The following DACH2 variants were observed in gnomAD, a reference collection of about 807,000 sequenced individuals.
DACH2 encodes the protein dachshund family transcription factor 2.
In DACH2, 17 loss-of-function variants were observed where a neutral mutation model predicts 35.8. That is an observed-to-expected ratio of 0.48 (90% CI 0.33 to 0.71). DACH2 has a LOEUF of 0.71. Among genes scored for constraint, DACH2 ranks in the 30% least tolerant of loss-of-function variants. The pLI, the probability that DACH2 is intolerant of heterozygous loss-of-function variation, is 0.02. For synonymous variants in DACH2, 195 were observed against 177.3 expected (o/e 1.10, Z -0.79); for missense variants, 469 against 472.7 (o/e 0.99, Z 0.07).
intron 7 of DACH2, chrX:86,742,601 A>T: frequency 5.0e-6 from 1 of 201,290 alleles, no homozygotes; most frequent in Admixed American, 5.6e-5. Flanking sequence ...TTTTCTGGGT[A>T]TTTCACATAG....
intron 4 of DACH2, among the ~76,000 whole-genome samples, chrX:86,671,113 C>T (rs995693721): frequency 1.8e-5 from 2 of 111,974 alleles, no homozygotes; most frequent in Admixed American, 9.4e-5. Flanking sequence ...GTCTGTATGT[C>T]TTCTCTGCCA....
chrX:86,149,905 C>T (rs1015222562), intron 1 of DACH2, among the ~76,000 whole-genome samples: 4 of 111,652 alleles, frequency 3.6e-5, no homozygotes, highest in Non-Finnish European at 7.5e-5. Flanking sequence ...TACAAGTTGG[C>T]AGATTTCTAG....
At chrX:86,246,480 G>A (rs1165403130) in intron 1 of DACH2, among the ~76,000 whole-genome samples, 2 of 111,946 alleles carry the variant, frequency 1.8e-5, no homozygotes, top group African/African-American at 3.2e-5. Flanking sequence ...CAGCAGAGAC[G>A]CTATAATCCA....
intron 5 of DACH2, among the ~76,000 whole-genome samples, chrX:86,710,234 C>T (rs1323310391): frequency 9.0e-6 from 1 of 111,708 alleles, no homozygotes; most frequent in South Asian, 3.7e-4. Flanking sequence ...GAACCTTAAG[C>T]GGAAATTGCT....
intron 4 of DACH2, among the ~76,000 whole-genome samples, chrX:86,680,179 T>G (rs1183914213): frequency 8.9e-6 from 1 of 111,996 alleles, no homozygotes; most frequent in East Asian, 2.8e-4. Flanking sequence ...TAATTGAATT[T>G]TGAAATTGAA....
intron 1 of DACH2, among the ~76,000 whole-genome samples, chrX:86,291,274 T>C (rs1488195030): frequency 9.6e-6 from 1 of 103,663 alleles, no homozygotes; most frequent in Non-Finnish European, 2.0e-5. Context: ...ACATTGATTT[T>C]GTATCCTGAG....
At chrX:86,760,458 G>A (rs2041869211) in intron 7 of DACH2, among the ~76,000 whole-genome samples, 1 of 111,492 alleles carries the variant, frequency 9.0e-6, no homozygotes, top group Admixed American at 9.5e-5. Context: ...CAAGCTCTGA[G>A]ATTCTTTGTT....
chrX:86,746,759 A>G (rs1422310506), intron 7 of DACH2, among the ~76,000 whole-genome samples: 1 of 111,028 alleles, frequency 9.0e-6, no homozygotes, highest in African/African-American at 3.3e-5. Flanking sequence ...TTTGATGGAC[A>G]GGTTATTCAT....
intron 3 of DACH2, among the ~76,000 whole-genome samples, chrX:86,587,672 G>T (rs2039591725): frequency 9.0e-6 from 1 of 111,647 alleles, no homozygotes; most frequent in African/African-American, 3.2e-5. Flanking sequence ...TTGGCTGCTT[G>T]TATGTCTTCC....
At chrX:86,331,412 C>T (rs1035679522) in intron 1 of DACH2, among the ~76,000 whole-genome samples, 2 of 110,380 alleles carry the variant, frequency 1.8e-5, no homozygotes, top group African/African-American at 6.6e-5. Flanking sequence ...GCTGCTACCT[C>T]GAGCTTTAGA....
At chrX:86,391,945 T>C (rs1476073405) in intron 2 of DACH2, among the ~76,000 whole-genome samples, 1 of 111,453 alleles carries the variant, frequency 9.0e-6, no homozygotes, top group Non-Finnish European at 1.9e-5. Flanking sequence ...TAGACACTAA[T>C]AATTTATTTT....
At chrX:86,571,379 G>A (rs968759027) in intron 3 of DACH2, among the ~76,000 whole-genome samples, 7 of 110,375 alleles carry the variant, frequency 6.3e-5, no homozygotes, top group Non-Finnish European at 1.1e-4. Context: ...CATGTGCCAT[G>A]TTGGTGTGCT....
Position 86,665,005 on chromosome X carries a change from A to T in DACH2, c.772+13838A>T, listed in dbSNP as rs1215956187. On this transcript the variant is annotated intron_variant, in intron 4 of 11. Transcript: ENST00000373125. ...TTTTTCATGTTTCTGAGTGTTGTGC[A>T]AGGTTCCCCGGAGTGTTTTGAAGTT... Among the ~76,000 whole-genome samples, 3 of 111,730 alleles carry T rather than the reference A, an allele frequency of 2.7e-5. No homozygotes were observed. In the East Asian group the frequency reaches 8.5e-4, roughly 32 times the overall value.
At chrX:86,514,607 A>C (rs1329870969) in intron 3 of DACH2, among the ~76,000 whole-genome samples, 1 of 112,082 alleles carries the variant, frequency 8.9e-6, no homozygotes, top group African/African-American at 3.2e-5. Context: ...ATCATTGCAG[A>C]AAATCCCTTT....
At chrX:86,795,160 A>T (rs1416217375) in intron 7 of DACH2, among the ~76,000 whole-genome samples, 1 of 111,009 alleles carries the variant, frequency 9.0e-6, no homozygotes, top group African/African-American at 3.3e-5. Flanking sequence ...CTAGTGACCA[A>T]ATAGAATTAA....
At chrX:86,802,914 C>T (rs1377708125) in intron 7 of DACH2, among the ~76,000 whole-genome samples, 3 of 112,082 alleles carry the variant, frequency 2.7e-5, no homozygotes, top group Admixed American at 1.9e-4. Context: ...ACCCCATTCC[C>T]AATCCTGCCA....
intron 2 of DACH2, among the ~76,000 whole-genome samples, chrX:86,437,948 G>T (rs1602518123): frequency 9.2e-6 from 1 of 109,134 alleles, no homozygotes; most frequent in Non-Finnish European, 1.9e-5. Context: ...CTCATGTCCT[G>T]GGGGTTTGTT....
intron 3 of DACH2, among the ~76,000 whole-genome samples, chrX:86,617,207 C>A (rs1220603230): frequency 9.0e-6 from 1 of 111,246 alleles, no homozygotes; most frequent in African/African-American, 3.3e-5. Flanking sequence ...ACACCTACAA[C>A]TTTGTTCTTT....
At chrX:86,307,145 C>A (rs908613699) in intron 1 of DACH2, among the ~76,000 whole-genome samples, 10 of 111,507 alleles carry the variant, frequency 9.0e-5, no homozygotes, top group African/African-American at 2.6e-4. Context: ...GTTGTTGCTC[C>A]GAAGTTCAGT....
Sources: allele counts gnomAD v4.1 joint callset (sites outside exome capture counted in the v4.1 genomes callset), GRCh38; gene constraint gnomAD v4.1.1; transcripts MANE v1.5; gene names NCBI Gene and HGNC (gene_info 2026-07-23, HGNC 2026-07-21).